Variants in COG5 observed in about 807,000 individuals in gnomAD.
The protein encoded by COG5 is component of oligomeric golgi complex 5, also known as conserved oligomeric Golgi complex subunit 5.
Under a neutral mutation model 110.4 loss-of-function variants are expected in COG5, and 86 were observed. The observed-to-expected ratio is 0.78, with a 90% confidence interval of 0.65 to 0.93. The LOEUF (loss-of-function observed/expected upper bound fraction) is 0.93, where lower values mean the gene tolerates loss of function less well. Ranked by LOEUF, COG5 falls within the 40% of genes least tolerant of loss-of-function variation. The probability of loss-of-function intolerance (pLI) is 0.00; values close to 1 mark genes in which losing one functional copy is unlikely to be tolerated. For synonymous variants in COG5, 360 were observed against 334.6 expected, an observed-to-expected ratio of 1.08 and a Z score of -0.83; for missense variants, 1,077 against 987.0, an observed-to-expected ratio of 1.09 and a Z score of -1.22.
Position 107,203,180 on chromosome 7 carries a change from C to G in COG5, c.*336G>C, listed in dbSNP as rs1789604602. 1 of 350,896 alleles carries G rather than the reference C, an allele frequency of 2.8e-6. No homozygotes were observed. The highest frequency in any genetic ancestry group is 4.1e-5 in the Admixed American group (1 of 24,534). The allele number at this position is 350,896 out of a possible 1,614,324, so 21.7% of individuals were successfully genotyped here. On this transcript the variant is annotated 3_prime_UTR_variant, in exon 22 of 22. Transcript: ENST00000297135. ...AGCAGGGTACATGTTATAACTTGAT[C>G]ATATCCCTTTAAAAGAAGTGGGGAC...
chr7:107,320,448 C>T (rs557381901), intron 11 of COG5, among the ~76,000 whole-genome samples: 1 of 152,306 alleles, frequency 6.6e-6, no homozygotes, highest in East Asian at 1.9e-4. Flanking sequence ...CCTGGTTCCC[C>T]TCTTAGTGTG....
At chr7:107,266,762 T>A (rs945458127) in intron 14 of COG5, among the ~76,000 whole-genome samples, 3 of 152,214 alleles carry the variant, frequency 2.0e-5, no homozygotes, top group Non-Finnish European at 4.4e-5. Context: ...GAGACTTTCC[T>A]ATGAGTTATG....
chr7:107,397,164 G>T (rs929250017), intron 7 of COG5, among the ~76,000 whole-genome samples: 14 of 152,120 alleles, frequency 9.2e-5, no homozygotes, highest in African/African-American at 3.1e-4. Flanking sequence ...CTCAAATCTG[G>T]CCAGTGAGAC....
At chr7:107,251,455 A>G (rs1032705462) in intron 16 of COG5, among the ~76,000 whole-genome samples, 2 of 152,146 alleles carry the variant, frequency 1.3e-5, no homozygotes, top group Non-Finnish European at 2.9e-5. Flanking sequence ...CCTATGAAGT[A>G]TCCATTCTTT....
chr7:107,542,095 T>C (rs1260617712), intron 5 of COG5, among the ~76,000 whole-genome samples: 1 of 152,126 alleles, frequency 6.6e-6, no homozygotes, highest in Admixed American at 6.5e-5. Context: ...ATATACAATA[T>C]CTTCATAGCT....
intron 7 of COG5, among the ~76,000 whole-genome samples, chr7:107,382,747 A>G (rs924706835): frequency 2.0e-5 from 3 of 152,090 alleles, no homozygotes; most frequent in Admixed American, 6.6e-5. Flanking sequence ...CCTAAAGTCT[A>G]TTTTTCAAAG....
Position 107,276,451 on chromosome 7 carries a change from T to C in COG5, c.1575+4849A>G, listed in dbSNP as rs151112290. On this transcript the variant is annotated intron_variant, in intron 14 of 21. Coordinates refer to ENST00000297135, the MANE Select transcript of COG5 (RefSeq NM_006348.5). Reference sequence around the variant, plus strand: ...TTCAGAAGGCCAAGGCTATGGATCATTTGAGCCCAGGAGTTCGAGACCAGC... The same window carrying C: ...TTCAGAAGGCCAAGGCTATGGATCACTTGAGCCCAGGAGTTCGAGACCAGC... Among the ~76,000 whole-genome samples, 57 of 152,270 alleles carry C rather than the reference T, an allele frequency of 3.7e-4. No homozygotes were observed. In the East Asian group the frequency reaches 0.011, roughly 29 times the overall value.
At chr7:107,223,369 C>T (rs1019318503) in intron 19 of COG5, among the ~76,000 whole-genome samples, 2 of 152,034 alleles carry the variant, frequency 1.3e-5, no homozygotes, top group Admixed American at 1.3e-4. Context: ...CATGTGGGTC[C>T]CAGGAGAGAA....
At chr7:107,471,710 A>C (rs1438914063) in intron 6 of COG5, 1 of 152,076 alleles carries the variant, frequency 6.6e-6, no homozygotes, top group Non-Finnish European at 1.5e-5. Context: ...TGAATTTCCA[A>C]AAAGAAAAGA....
intron 10 of COG5, among the ~76,000 whole-genome samples, chr7:107,331,637 A>C (rs1333114521): frequency 6.6e-6 from 1 of 152,112 alleles, no homozygotes; most frequent in Non-Finnish European, 1.5e-5. Flanking sequence ...GCAGCAGGAA[A>C]ACTGATACAA....
chr7:107,284,859 T>C (rs1805495937), intron 12 of COG5, among the ~76,000 whole-genome samples: 2 of 152,186 alleles, frequency 1.3e-5, no homozygotes, highest in African/African-American at 4.8e-5. Context: ...CCACCAGCTT[T>C]TGCATTGTCT....
rs762405525 is a variant in COG5, at chr7:107,236,449, C to T, written c.2091+1G>A. 1 of 1,605,072 alleles carries T rather than the reference C, an allele frequency of 6.2e-7. No individual in the cohort carries two copies. The highest frequency in any genetic ancestry group is 1.7e-5 in the Admixed American group (1 of 60,008). ...TCTTTTGTAGTAATTCATCAATGTA[C>T]CTGTGCAAAATCAGCAGCAAGTCGC... On this transcript the variant is annotated splice_donor_variant, in intron 18 of 21. Coordinates refer to ENST00000297135, the MANE Select transcript of COG5 (RefSeq NM_006348.5). LOFTEE classifies it high-confidence loss of function.
At chr7:107,508,774 C>T (rs1218805199) in intron 6 of COG5, among the ~76,000 whole-genome samples, 1 of 152,128 alleles carries the variant, frequency 6.6e-6, no homozygotes, top group African/African-American at 2.4e-5. Context: ...GCTGCTGATA[C>T]CCAGGCAAAC....
chr7:107,344,077 C>T (rs182680601), intron 10 of COG5, among the ~76,000 whole-genome samples: 97 of 152,230 alleles, frequency 6.4e-4, no homozygotes, highest in African/African-American at 2.2e-3. Context: ...GGGCATTAGA[C>T]CTAAAAATAG....
chr7:107,563,554 G>T (rs1031310015), intron 1 of COG5: 5 of 501,428 alleles, frequency 1.0e-5, no homozygotes, highest in African/African-American at 5.8e-5. Flanking sequence ...TGGGGGGGGG[G>T]GGGGTCGAGT....
intron 18 of COG5, among the ~76,000 whole-genome samples, chr7:107,231,917 AT>A (rs1222452923): frequency 6.6e-6 from 1 of 152,250 alleles, no homozygotes; most frequent in East Asian, 1.9e-4. Flanking sequence ...ACATATAAAC[AT>A]ATATAAACAC....
chr7:107,384,961 G>T (rs1360306737), intron 7 of COG5, among the ~76,000 whole-genome samples: 1 of 152,188 alleles, frequency 6.6e-6, no homozygotes, highest in African/African-American at 2.4e-5. Flanking sequence ...ATAGTGAGTT[G>T]AACAATGTCC....
chr7:107,275,371 G>GT (rs1804621377), intron 14 of COG5, among the ~76,000 whole-genome samples: 1 of 151,182 alleles, frequency 6.6e-6, no homozygotes, highest in African/African-American at 2.4e-5. Context: ...AGTGCGTTTG[G>GT]TCAAAAAGAC....
At chr7:107,430,316 T>C (rs1227429135) in intron 6 of COG5, among the ~76,000 whole-genome samples, 3 of 152,260 alleles carry the variant, frequency 2.0e-5, no homozygotes, top group Non-Finnish European at 4.4e-5. Context: ...AGACACTGGT[T>C]GTCCCAGGAC....
Sources: gnomAD v4.1 joint callset for allele counts (sites outside exome capture counted in the v4.1 genomes callset) on GRCh38, gnomAD v4.1.1 for gene constraint, MANE v1.5 for transcripts, NCBI Gene and HGNC (gene_info 2026-07-23, HGNC 2026-07-21) for gene names.